CFAP61: variants seen among roughly 807,000 people sequenced by gnomAD.
CFAP61 encodes cilia- and flagella-associated protein 61.
Under a neutral mutation model 135.6 loss-of-function variants are expected in CFAP61, and 107 were observed. The observed-to-expected ratio is 0.79, with a 90% CI of 0.67 to 0.93. CFAP61 has a LOEUF of 0.93. CFAP61 is among the 40% of genes least tolerant of loss of function. The pLI, the probability that CFAP61 is intolerant of heterozygous loss-of-function variation, is 0.00. For missense variants in CFAP61, 1,507 were observed against 1,556.2 expected (o/e 0.97, Z 0.53); for synonymous variants, 575 against 578.5 (o/e 0.99, Z 0.09).
chr20:20,056,634 T>C lies in CFAP61; in HGVS notation c.-20T>C. The C allele has an allele frequency of 1.2e-6, 2 of 1,612,948 alleles. No individual in the cohort carries two copies. The highest frequency in any genetic ancestry group is 1.7e-6 in the Non-Finnish European group (2 of 1,179,430). ...GATTAATAGTGGACTTTTTTCTCTC[T>C]TTTGGGGACAGGATAAAAAATGTCA... On this transcript the variant is annotated 5_prime_UTR_variant, in exon 2 of 27. Transcript: ENST00000245957.
chr20:20,108,028 A>G (rs2048531999), intron 8 of CFAP61, among the ~76,000 whole-genome samples: 1 of 152,246 alleles, frequency 6.6e-6, no homozygotes, highest in South Asian at 2.1e-4. Context: ...TATTCATAAT[A>G]AATGTGGGAA....
chr20:20,164,490 C>G (rs935707815), intron 11 of CFAP61, among the ~76,000 whole-genome samples: 1 of 152,168 alleles, frequency 6.6e-6, no homozygotes, highest in African/African-American at 2.4e-5. Context: ...CTTACATAAC[C>G]ACATGCTGCT....
chr20:20,130,954 C>T (rs1346027185), intron 8 of CFAP61, among the ~76,000 whole-genome samples: 4 of 151,764 alleles, frequency 2.6e-5, no homozygotes, highest in Non-Finnish European at 4.4e-5. Flanking sequence ...AGGCAGGAAC[C>T]GATCTCCTGC....
chr20:20,286,385 C>T (rs986265535), intron 22 of CFAP61, among the ~76,000 whole-genome samples: 5 of 152,178 alleles, frequency 3.3e-5, no homozygotes, highest in South Asian at 4.1e-4. Context: ...TTAGATCATG[C>T]GCTCCATGCT....
At chr20:20,160,006 C>T (rs889680749) in intron 10 of CFAP61, among the ~76,000 whole-genome samples, 3 of 152,160 alleles carry the variant, frequency 2.0e-5, no homozygotes, top group South Asian at 4.1e-4. Flanking sequence ...GCAGGTGGTC[C>T]GTTGACCACT....
At chr20:20,323,751 CG>C (rs1284466460) in intron 25 of CFAP61, among the ~76,000 whole-genome samples, 5 of 152,020 alleles carry the variant, frequency 3.3e-5, no homozygotes, top group South Asian at 4.1e-4. Flanking sequence ...GGGGTTGTGG[CG>C]GGGGTATGAA....
intron 25 of CFAP61, among the ~76,000 whole-genome samples, chr20:20,334,528 C>T (rs544082879): frequency 6.6e-6 from 1 of 152,286 alleles, no homozygotes; most frequent in South Asian, 2.1e-4. Context: ...CAGAAAATAG[C>T]TGATTTCTGC....
chr20:20,159,226 CTG>C (rs1289654629), intron 9 of CFAP61, 142 bp from the exon 10 acceptor site: 1 of 659,374 alleles, frequency 1.5e-6, no homozygotes, highest in South Asian at 1.8e-5. Flanking sequence ...GAGGAGGAAA[CTG>C]AGGTTACATA....
At chr20:20,320,124 C>T (rs552040065) in intron 25 of CFAP61, among the ~76,000 whole-genome samples, 1 of 151,308 alleles carries the variant, frequency 6.6e-6, no homozygotes, top group East Asian at 1.9e-4. Flanking sequence ...AGAAATAAAA[C>T]TTGCAATGGA....
intron 26 of CFAP61, among the ~76,000 whole-genome samples, chr20:20,352,496 C>T (rs768490341): frequency 6.6e-6 from 1 of 152,092 alleles, no homozygotes; most frequent in East Asian, 1.9e-4. Context: ...GATAAATGTA[C>T]CAGTGGGACA....
At chr20:20,104,573 A>C (rs2048246463) in intron 8 of CFAP61, among the ~76,000 whole-genome samples, 1 of 152,154 alleles carries the variant, frequency 6.6e-6, no homozygotes, top group African/African-American at 2.4e-5. Flanking sequence ...ACGTATCTAC[A>C]GGGTGTGTTA....
intron 20 of CFAP61, among the ~76,000 whole-genome samples, chr20:20,255,176 C>CA (rs1210637369): frequency 1.3e-5 from 2 of 152,184 alleles, no homozygotes; most frequent in African/African-American, 4.8e-5. Context: ...TCCAGCCCTC[C>CA]AATCAATGTT....
At chr20:20,132,315 T>G (rs1179396335) in intron 8 of CFAP61, among the ~76,000 whole-genome samples, 1 of 152,152 alleles carries the variant, frequency 6.6e-6, no homozygotes, top group African/African-American at 2.4e-5. Context: ...CACATTTTCT[T>G]TATCCATCCA....
intron 24 of CFAP61, among the ~76,000 whole-genome samples, chr20:20,293,683 G>A (rs1224400909): frequency 1.3e-5 from 2 of 152,164 alleles, no homozygotes; most frequent in Non-Finnish European, 2.9e-5. Flanking sequence ...GGAAGATACT[G>A]TAGTAATTCA....
chr20:20,056,089 T>A, intron 1 of CFAP61: 2 of 1,082,648 alleles, frequency 1.8e-6, no homozygotes, highest in Non-Finnish European at 2.8e-6. Flanking sequence ...TTATGGAACC[T>A]CTCAAAGATG....
intron 9 of CFAP61, among the ~76,000 whole-genome samples, chr20:20,148,349 G>T (rs893863187): frequency 4.0e-4 from 60 of 151,628 alleles, no homozygotes; most frequent in South Asian, 2.7e-3. Context: ...TGGCAGTATG[G>T]TCATTTTCAC....
At chr20:20,324,595 G>A (rs2057676447) in intron 25 of CFAP61, among the ~76,000 whole-genome samples, 7 of 152,204 alleles carry the variant, frequency 4.6e-5, no homozygotes, top group Admixed American at 4.6e-4. Flanking sequence ...CTGTGTGCAT[G>A]AATGGGATTT....
At chr20:20,337,274 GTGGATGGATGGATGGATAGATGGATGGA>G (rs2058232810) in intron 25 of CFAP61, among the ~76,000 whole-genome samples, 15 of 98,858 alleles carry the variant, frequency 1.5e-4, no homozygotes, top group Non-Finnish European at 1.7e-4. Flanking sequence ...GAATGGGTGG[GTGGATGGATGGATGGATAGATGGATGGA>G]TGGATGGATG....
chr20:20,342,600 G>T (rs990687288), intron 26 of CFAP61, among the ~76,000 whole-genome samples: 3 of 152,220 alleles, frequency 2.0e-5, no homozygotes, highest in Non-Finnish European at 4.4e-5. Context: ...TCAGCCAAGT[G>T]CCGGGGCCTG....
Sources: gnomAD v4.1 joint callset for allele counts (sites outside exome capture counted in the v4.1 genomes callset) on GRCh38, gnomAD v4.1.1 for gene constraint, MANE v1.5 for transcripts, NCBI Gene and HGNC (gene_info 2026-07-23, HGNC 2026-07-21) for gene names.